The following SLC25A48 variants were observed in gnomAD, a reference collection of about 807,000 sequenced individuals.
The protein encoded by SLC25A48 is CTC-321K16.1.
SLC25A48 carries 29 observed loss-of-function variants against 32.2 expected under a neutral mutation model. That is an observed-to-expected ratio of 0.90 (90% CI 0.67 to 1.23). The LOEUF is 1.23. SLC25A48 is among the 50% of genes most tolerant of loss of function. The probability of loss-of-function intolerance (pLI) is 0.00; values close to 1 mark genes in which losing one functional copy is unlikely to be tolerated. For missense variants in SLC25A48, 399 were observed against 422.7 expected (o/e 0.94, Z 0.49); for synonymous variants, 164 against 172.3 (o/e 0.95, Z 0.38).
chr5:135,691,265 C>T (rs1462125894), intron 3 of SLC25A48, among the ~76,000 whole-genome samples: 1 of 152,200 alleles, frequency 6.6e-6, no homozygotes, highest in Non-Finnish European at 1.5e-5. Flanking sequence ...CACAGATAGA[C>T]CTGCTATTCA....
rs141875233 is a variant in SLC25A48, at chr5:135,805,553, T to TA, written c.-520-6969dup. Among the ~76,000 whole-genome samples, 75 of 151,758 alleles carry TA rather than the reference T, an allele frequency of 4.9e-4. 2 individuals carry two copies. In the East Asian group the frequency reaches 0.013, roughly 27 times the overall value. On this transcript the variant is annotated intron_variant, in intron 3 of 10. Coordinates refer to the SLC25A48 transcript ENST00000646290. Reference sequence around the variant, plus strand: ...CATGCGTTCACCCTGTGATATTAGTTATAACATCATAGGGAGATATTACTT... The same window carrying TA: ...CATGCGTTCACCCTGTGATATTAGTTAATAACATCATAGGGAGATATTACTT...
chr5:135,770,208 C>T (rs187272672), intron 3 of SLC25A48, among the ~76,000 whole-genome samples: 2 of 151,760 alleles, frequency 1.3e-5, no homozygotes, highest in Admixed American at 6.6e-5. Flanking sequence ...GGGGTGTACA[C>T]TCCCCCTGAG....
intron 6 of SLC25A48, 24 bp downstream of exon 6, chr5:135,874,178 G>A: frequency 7.0e-7 from 1 of 1,424,546 alleles, no homozygotes; most frequent in Non-Finnish European, 9.1e-7. Flanking sequence ...AGGCCTGCGG[G>A]GTCAGTGTCA....
intron 1 of SLC25A48, among the ~76,000 whole-genome samples, chr5:135,624,870 C>T (rs775654517): frequency 2.0e-5 from 3 of 152,146 alleles, no homozygotes; most frequent in Non-Finnish European, 4.4e-5. Flanking sequence ...GGAACACTGT[C>T]GATCCCAATC....
intron 3 of SLC25A48, among the ~76,000 whole-genome samples, chr5:135,639,822 C>A (rs1278483765): frequency 6.6e-6 from 1 of 152,102 alleles, no homozygotes; most frequent in Non-Finnish European, 1.5e-5. Flanking sequence ...TCTTCTAGAA[C>A]AAACAGCAAT....
intron 3 of SLC25A48, among the ~76,000 whole-genome samples, chr5:135,662,129 A>G (rs1452867953): frequency 6.6e-6 from 1 of 152,156 alleles, no homozygotes; most frequent in Admixed American, 6.5e-5. Context: ...TTTTTGTCAG[A>G]CTGCTAGGGA....
chr5:135,886,562 C>T lies in SLC25A48; in HGVS notation c.*8-1470C>T, dbSNP rs1448636861. Among the ~76,000 whole-genome samples, 25 of 126,928 alleles carry T rather than the reference C, an allele frequency of 2.0e-4. No individual in the cohort carries two copies. In the South Asian group the frequency reaches 6.6e-3, roughly 33 times the overall value. The allele number at this position is 126,928 out of a possible 152,430, so 83.3% of individuals were successfully genotyped here. ...CAACAGCTTGTGAGTCTTCCTCCAT[C>T]AACACATTATGGTTCTATTTAACCA... On this transcript the variant is annotated intron_variant, in intron 7 of 7. Coordinates refer to ENST00000681962, the MANE Select transcript of SLC25A48 (RefSeq NM_001349336.2).
chr5:135,764,635 G>A (rs1756157270), intron 3 of SLC25A48, among the ~76,000 whole-genome samples: 1 of 151,262 alleles, frequency 6.6e-6, no homozygotes, highest in Admixed American at 6.6e-5. Context: ...AATATCCAGG[G>A]GGGGAGAGGG....
intron 1 of SLC25A48, among the ~76,000 whole-genome samples, chr5:135,624,095 G>T (rs559394420): frequency 6.6e-6 from 1 of 152,202 alleles, no homozygotes; most frequent in African/African-American, 2.4e-5. Context: ...CACAAAGCCT[G>T]GTTTGCCTTT....
rs558839603 is a variant in SLC25A48 at position 135,782,690 on chromosome 5, A to G, written c.-520-29833A>G. 2.7e-4 allele frequency among the ~76,000 whole-genome samples: 32 copies of G among 118,014 alleles called. 9 individuals are homozygous for G. The South Asian group carries it at 9.4e-3, about 35-fold the overall frequency. The allele number at this position is 118,014 out of a possible 152,430, so 77.4% of individuals were successfully genotyped here. A position where few individuals can be genotyped will look rare whatever the true frequency, so the allele number is the denominator to read the frequency against. ...TCGTTCCTAATAACCAGGAAGGGAG[A>G]GGATATTACTCCCAATAATGCAGGA... is the stretch of plus-strand genomic sequence containing the variant. On this transcript the variant is annotated intron_variant, in intron 3 of 10. Coordinates refer to the SLC25A48 transcript ENST00000646290.
At chr5:135,640,558 T>A (rs1236432684) in intron 3 of SLC25A48, among the ~76,000 whole-genome samples, 2 of 151,948 alleles carry the variant, frequency 1.3e-5, no homozygotes, top group African/African-American at 4.8e-5. Context: ...AAGACCAATA[T>A]CCCTCTGAAC....
Position 135,779,581 on chromosome 5 carries a change from G to T in SLC25A48, c.-520-32942G>T, listed in dbSNP as rs1440830879. ...CGGGGAGAGGATGATATGACTCCAA[G>T]TATCTAAGGGATGTACACTCCCTAC... On this transcript the variant is annotated intron_variant, in intron 3 of 10. Transcript: ENST00000646290. Among the ~76,000 whole-genome samples the T allele has an allele frequency of 6.1e-5, 4 of 65,924 alleles. 2 individuals carry two copies. The highest frequency in any genetic ancestry group is 2.0e-4 in the Non-Finnish European group (4 of 19,804). 43.2% of individuals were successfully genotyped at this position (65,924 alleles called of 152,430 possible). A position where few individuals can be genotyped will look rare whatever the true frequency, so the allele number is the denominator to read the frequency against.
intron 2 of SLC25A48, among the ~76,000 whole-genome samples, chr5:135,845,646 T>C (rs1332608559): frequency 6.6e-6 from 1 of 152,178 alleles, no homozygotes; most frequent in Middle Eastern, 3.2e-3. Flanking sequence ...GTCTGTAAAG[T>C]GGGCAAGTAG....
chr5:135,760,498 A>G (rs1335703611), intron 3 of SLC25A48, among the ~76,000 whole-genome samples: 9 of 152,346 alleles, frequency 5.9e-5, no homozygotes, highest in Admixed American at 1.3e-4. Context: ...GAGCCTTAGA[A>G]AAACACAGCA....
intron 3 of SLC25A48, among the ~76,000 whole-genome samples, chr5:135,738,594 CAAG>C (rs1246951981): frequency 1.3e-5 from 2 of 152,216 alleles, no homozygotes; most frequent in African/African-American, 2.4e-5. Flanking sequence ...AGTCCTTGCA[CAAG>C]TTGCTTCTGC....
At chr5:135,624,973 G>A (rs148541841) in intron 1 of SLC25A48, among the ~76,000 whole-genome samples, 1 of 152,140 alleles carries the variant, frequency 6.6e-6, no homozygotes, top group Non-Finnish European at 1.5e-5. Flanking sequence ...CAGGCCCAGG[G>A]CTGGCAACAT....
Position 135,680,474 on chromosome 5 carries a change from T to C in SLC25A48, c.-521+45518T>C, listed in dbSNP as rs75735110. 4.9e-4 allele frequency among the ~76,000 whole-genome samples: 75 copies of C among 152,322 alleles called. No individual in the cohort carries two copies. The East Asian group carries it at 0.011, about 22-fold the overall frequency. On this transcript the variant is annotated intron_variant, in intron 3 of 10. Transcript: ENST00000646290. ...AATTTTCAGTCATGTTTTAGTCTGT[T>C]TTCATACTGCTTTGAAAAAATACCT...
At chr5:135,615,919 C>T (rs181893249) in intron 1 of SLC25A48, among the ~76,000 whole-genome samples, 3 of 152,374 alleles carry the variant, frequency 2.0e-5, no homozygotes, top group Non-Finnish European at 4.4e-5. Context: ...GCCTGCATCT[C>T]AGCTGCTCCA....
At chr5:135,704,865 C>G (rs893643651) in intron 3 of SLC25A48, among the ~76,000 whole-genome samples, 4 of 152,130 alleles carry the variant, frequency 2.6e-5, no homozygotes, top group Admixed American at 2.0e-4. Context: ...TAGGTAGCTT[C>G]CTGGCATTAG....
Sources: gnomAD v4.1 joint callset for allele counts (sites outside exome capture counted in the v4.1 genomes callset) on GRCh38, gnomAD v4.1.1 for gene constraint, MANE v1.5 for transcripts, NCBI Gene and HGNC (gene_info 2026-07-23, HGNC 2026-07-21) for gene names.